The following ARHGAP45 variants were observed in gnomAD, a reference collection of about 807,000 sequenced individuals.
The protein encoded by ARHGAP45 is Rho GTPase activating protein 45.
A neutral mutation model predicts 116.1 loss-of-function variants in ARHGAP45; 56 were observed. The observed-to-expected ratio is 0.48, with a 90% confidence interval of 0.39 to 0.60. The LOEUF (loss-of-function observed/expected upper bound fraction) is 0.60. Among genes scored for constraint, ARHGAP45 ranks in the 20% least tolerant of loss-of-function variants. ARHGAP45 has a pLI of 0.00. For missense variants in ARHGAP45, 1,622 were observed against 1,601.0 expected, an observed-to-expected ratio of 1.01 and a Z score of -0.22; for synonymous variants, 866 against 701.7, an observed-to-expected ratio of 1.23 and a Z score of -3.70.
intron 21 of ARHGAP45, 141 bp downstream of exon 21, chr19:1,083,494 T>G: frequency 1.5e-6 from 1 of 684,580 alleles, no homozygotes; most frequent in East Asian, 2.7e-5. Flanking sequence ...GGGAGGCCAC[T>G]GTCTTTTTGT....
At chr19:1,073,110 G>T (rs1428945777) in intron 2 of ARHGAP45, 39 bp from the exon 3 acceptor site, 2 of 1,576,318 alleles carry the variant, frequency 1.3e-6, no homozygotes, top group Non-Finnish European at 8.5e-7. Flanking sequence ...CCCTGGGACT[G>T]GGCCCTACCC....
Position 1,086,216 on chromosome 19 carries a change from T to G in ARHGAP45, c.*210T>G. 1 of 564,128 alleles carries G rather than the reference T, an allele frequency of 1.8e-6. No individual in the cohort carries two copies. The highest frequency in any genetic ancestry group is 3.2e-6 in the Non-Finnish European group (1 of 315,448). 34.9% of individuals were successfully genotyped at this position (564,128 alleles called of 1,614,324 possible). ...CGGCACAGGACTGTGCCCTGTGCTG[T>G]CCCCTGCACCCCGGCTCAGCTGAGC... is the stretch of plus-strand genomic sequence containing the variant. On this transcript the variant is annotated 3_prime_UTR_variant, in exon 23 of 23. Coordinates refer to ENST00000313093, the MANE Select transcript of ARHGAP45 (RefSeq NM_012292.5).
rs768336375 is a variant in ARHGAP45 at position 1,081,850 on chromosome 19, G to T, written c.2406G>T (p.Lys802Asn). The change falls in exon 19 of 23, where the codon AAG becomes AAT. Residue 802 changes from lysine to asparagine, a missense_variant. By Grantham distance (94) the Lys-to-Asn change is moderately conservative (BLOSUM62 0). This residue lies in a region of ARHGAP45 where 1,334 missense variants were observed against 1,263.8 expected (regional missense o/e 1.06). Transcript: ENST00000313093. ...GCATCTACCGGGTCAATGGGGTAAA[G>T]ACACGCGTGGAGAAGCTGTGCCAGG... ...TKGIYRVNGV[K>N]TRVEKLCQAF... 6.2e-7 allele frequency: 1 copy of T among 1,612,152 alleles called. No homozygotes were observed. Among genetic ancestry groups the T allele is most frequent in the Non-Finnish European group, 8.5e-7 (1 of 1,179,502 alleles).
Position 1,069,816 on chromosome 19 carries a change from CTT to C in ARHGAP45, c.421+1089_421+1090del, listed in dbSNP as rs5826720. Among the ~76,000 whole-genome samples, 20 of 132,108 alleles carry C rather than the reference CTT, an allele frequency of 1.5e-4. No homozygotes were observed. The highest frequency in any genetic ancestry group is 2.3e-4 in the African/African-American group (8 of 35,528). The allele number at this position is 132,108 out of a possible 152,430, so 86.7% of individuals were successfully genotyped here. ...GAACTGGGCCAGCCAGGGTGGGGCA[CTT>C]TTTTTTTTTTTTTTTTGATACAGGG... On this transcript the variant is annotated intron_variant, in intron 2 of 22. Transcript: ENST00000313093. The surrounding 1 kb of genome is among the most constrained non-coding windows in gnomAD (Gnocchi z 4.1).
intron 10 of ARHGAP45, among the ~76,000 whole-genome samples, chr19:1,075,452 T>G (rs1255149175): frequency 1.3e-5 from 2 of 151,694 alleles, no homozygotes; most frequent in African/African-American, 4.8e-5. Flanking sequence ...ACCATAGTGG[T>G]CAGGCTGGTC....
chr19:1,075,202 AG>A (rs775314073), intron 10 of ARHGAP45, among the ~76,000 whole-genome samples: 1 of 150,436 alleles, frequency 6.6e-6, no homozygotes, highest in Non-Finnish European at 1.5e-5. Flanking sequence ...ATGGTCTCTC[AG>A]GACTGGGAAA....
At position 1,084,251 on chromosome 19, in the gene ARHGAP45, AC is replaced by A. The variant is rs1418449332; in HGVS notation, c.2971del (p.Gln991SerfsTer5). 1 of 1,613,482 alleles carries A rather than the reference AC, an allele frequency of 6.2e-7. No individual in the cohort carries two copies. The highest frequency in any genetic ancestry group is 8.5e-7 in the Non-Finnish European group (1 of 1,179,858). ...CTGCACTTGCAGGACGAGTCATCCAACCAGCGAGCTGAGGTAGTCGTCCAGG... is the reference window on the plus strand; with the variant it reads ...CTGCACTTGCAGGACGAGTCATCCAACAGCGAGCTGAGGTAGTCGTCCAGG... Reference protein sequence around the residue: ...ETPGGQDESSNQRAEVVVQVP... With the variant: ...ETPGGQDESSXQRAEVVVQVP... On this transcript the variant is annotated frameshift_variant, in exon 22 of 23. Coordinates refer to ENST00000313093, the MANE Select transcript of ARHGAP45 (RefSeq NM_012292.5). LOFTEE classifies it high-confidence loss of function.
Position 1,067,349 on chromosome 19 carries a change from A to G in ARHGAP45, c.-57A>G. On this transcript the variant is annotated 5_prime_UTR_variant, in exon 1 of 23. Transcript: ENST00000313093. ...TGGTCCCGAAGCGGCCAGCGCCGGGAGCTGCAGCGCTGAGACCCCCAGCCC... is the reference window on the plus strand; with the variant it reads ...TGGTCCCGAAGCGGCCAGCGCCGGGGGCTGCAGCGCTGAGACCCCCAGCCC... 1 of 1,489,968 alleles carries G rather than the reference A, an allele frequency of 6.7e-7. No homozygotes were observed. Among genetic ancestry groups the G allele is most frequent in the Non-Finnish European group, 8.9e-7 (1 of 1,122,394 alleles). The allele number at this position is 1,489,968 out of a possible 1,614,324, so 92.3% of individuals were successfully genotyped here.
rs754396827 is a variant in ARHGAP45, at chr19:1,085,651, C to T, written c.3065-9C>T. 2.1e-5 allele frequency: 33 copies of T among 1,546,548 alleles called. No homozygotes were observed. The highest frequency in any genetic ancestry group is 2.7e-5 in the Non-Finnish European group (31 of 1,142,182). On this transcript the variant is annotated splice_polypyrimidine_tract_variant and intron_variant, in intron 22 of 22. Coordinates refer to ENST00000313093, the MANE Select transcript of ARHGAP45 (RefSeq NM_012292.5). ...CTGTCTCCCCCCGCCATCTGTCTCC[C>T]TTTCTTAGAATCCCGAGTTGTGTCC... is the stretch of plus-strand genomic sequence containing the variant.
intron 2 of ARHGAP45, 144 bp from the exon 3 acceptor site, chr19:1,073,005 G>T (rs1222184027): frequency 9.8e-7 from 1 of 1,023,756 alleles, no homozygotes; most frequent in Non-Finnish European, 1.4e-6. Flanking sequence ...CCGCGGTCTC[G>T]AAATGAGCCC....
rs34571690 is a variant in ARHGAP45 at position 1,077,374 on chromosome 19, C to CTTT, written c.1186-465_1186-463dup. The CTTT allele has an allele frequency of 1.2e-3, 1,084 of 918,416 alleles. 10 individuals carry two copies. The highest frequency in any genetic ancestry group is 1.3e-3 in the Non-Finnish European group (1,016 of 787,694). The allele number at this position is 918,416 out of a possible 1,614,324, so 56.9% of individuals were successfully genotyped here. A position where few individuals can be genotyped will look rare whatever the true frequency, so the allele number is the denominator to read the frequency against. ...CCTGTTACGGGTGCCTCCTCCCGTTCTTTTTTTTTTTTTTTTTTTTGAGCT... is the reference window on the plus strand; with the variant it reads ...CCTGTTACGGGTGCCTCCTCCCGTTCTTTTTTTTTTTTTTTTTTTTTTTGAGCT... On this transcript the variant is annotated intron_variant, in intron 10 of 22. Coordinates refer to ENST00000313093, the MANE Select transcript of ARHGAP45 (RefSeq NM_012292.5).
intron 1 of ARHGAP45, chr19:1,067,710 C>T: frequency 1.4e-6 from 1 of 702,426 alleles, no homozygotes. Context: ...CCTCCCTCCA[C>T]TCCATCCAGG....
At position 1,081,662 on chromosome 19, in the gene ARHGAP45, G is replaced by A; in HGVS notation, c.2303G>A (p.Arg768His). 3.8e-6 allele frequency: 6 copies of A among 1,582,928 alleles called. No individual in the cohort carries two copies. The highest frequency in any genetic ancestry group is 1.1e-5 in the South Asian group (1 of 87,498). Reference protein sequence around the residue: ...LFGQDFSHAARSAPDGVPFIV... With the variant: ...LFGQDFSHAAHSAPDGVPFIV... ...GGCCAGGACTTCAGCCACGCGGCCCGCAGCGCCCCCGACGGCGTGCCCTTC... is the reference window on the plus strand; with the variant it reads ...GGCCAGGACTTCAGCCACGCGGCCCACAGCGCCCCCGACGGCGTGCCCTTC... The change falls in exon 18 of 23, where the codon CGC becomes CAC. Residue 768 changes from arginine to histidine, a missense_variant. Physicochemically the swap from Arg to His is conservative, Grantham distance 29. Coordinates refer to ENST00000313093, the MANE Select transcript of ARHGAP45 (RefSeq NM_012292.5).
At chr19:1,077,807 C>T (rs1262179362) in intron 10 of ARHGAP45, 50 bp from the exon 11 acceptor site, 1 of 1,550,404 alleles carries the variant, frequency 6.4e-7, no homozygotes, top group African/African-American at 1.4e-5. Context: ...GAGACTGAGT[C>T]CCATCCGAGG....
chr19:1,070,239 A>C (rs1056251917), intron 2 of ARHGAP45, among the ~76,000 whole-genome samples: 1 of 150,690 alleles, frequency 6.6e-6, no homozygotes, highest in Non-Finnish European at 1.5e-5. Context: ...CGTGATCCGC[A>C]TGCCTCAGCC....
At chr19:1,077,738 A>G (rs2043293775) in intron 10 of ARHGAP45, 119 bp from the exon 11 acceptor site, 4 of 1,530,452 alleles carry the variant, frequency 2.6e-6, no homozygotes, top group Admixed American at 4.0e-5. Flanking sequence ...CTGCATGCCC[A>G]GCTGGGCCAT....
In ARHGAP45 at chr19:1,067,289, C is replaced by T; in HGVS notation, c.-117C>T. 1 of 1,417,926 alleles carries T rather than the reference C, an allele frequency of 7.1e-7. No individual in the cohort carries two copies. Among genetic ancestry groups the T allele is most frequent in the Non-Finnish European group, 9.2e-7 (1 of 1,088,256 alleles). The allele number at this position is 1,417,926 out of a possible 1,614,324, so 87.8% of individuals were successfully genotyped here. A position where few individuals can be genotyped will look rare whatever the true frequency, so the allele number is the denominator to read the frequency against. ...GTGACGGCCGGGCCTGTCACGTGGG[C>T]CTGACAGCTGGGGAGGGGGTGGCCG... On this transcript the variant is annotated 5_prime_UTR_variant, in exon 1 of 23. Coordinates refer to ENST00000313093, the MANE Select transcript of ARHGAP45 (RefSeq NM_012292.5).
Position 1,086,138 on chromosome 19 carries a change from G to C in ARHGAP45, c.*132G>C. 2.5e-6 allele frequency: 2 copies of C among 802,298 alleles called. No homozygotes were observed. The highest frequency in any genetic ancestry group is 3.9e-6 in the Non-Finnish European group (2 of 514,422). The allele number at this position is 802,298 out of a possible 1,614,324, so 49.7% of individuals were successfully genotyped here. ...CTGCCGAGAGCGCCTGGACTTCGAC[G>C]TCCCACCAGCGGGCGCCTCCTCCCA... On this transcript the variant is annotated 3_prime_UTR_variant, in exon 23 of 23. Transcript: ENST00000313093.
rs1349194001 is a variant in ARHGAP45, at chr19:1,079,965, C to T, written c.1550C>T (p.Thr517Met). The T allele has an allele frequency of 6.2e-6, 10 of 1,612,466 alleles. No homozygotes were observed. The highest frequency in any genetic ancestry group is 4.5e-5 in the East Asian group (2 of 44,886). ...ISYYQMMHMQTAPLPVHFQML... is the reference protein window; with the variant it reads ...ISYYQMMHMQMAPLPVHFQML... ...TACTACCAGATGATGCATATGCAGACGGCGCCGCTGCCCGTGCACTTCCAG... is the reference window on the plus strand; with the variant it reads ...TACTACCAGATGATGCATATGCAGATGGCGCCGCTGCCCGTGCACTTCCAG... The change falls in exon 13 of 23, where the codon ACG becomes ATG. Residue 517 changes from threonine (T) to methionine (M), a missense_variant. Physicochemically the swap from Thr to Met is moderately conservative, Grantham distance 81 (BLOSUM62 -1). Transcript: ENST00000313093.
Sources: allele counts gnomAD v4.1 joint callset (sites outside exome capture counted in the v4.1 genomes callset), GRCh38; gene constraint gnomAD v4.1.1; regional missense constraint gnomAD v4.1.1; non-coding constraint Gnocchi (gnomAD v3.1); transcripts MANE v1.5; gene names NCBI Gene and HGNC (gene_info 2026-07-23, HGNC 2026-07-21).